DNAJC17: variants seen among roughly 807,000 people sequenced by gnomAD.
The protein encoded by DNAJC17 is DnaJ heat shock protein family (Hsp40) member C17, also known as dnaJ homolog subfamily C member 17.
In DNAJC17, 35 loss-of-function variants were observed where a neutral mutation model predicts 48.1. That is an observed-to-expected ratio of 0.73 (90% CI 0.56 to 0.96). The LOEUF (loss-of-function observed/expected upper bound fraction) is 0.96, where lower values mean the gene tolerates loss of function less well. Ranked by LOEUF, DNAJC17 falls within the 50% of genes least tolerant of loss-of-function variation. The pLI is 0.00. For synonymous variants in DNAJC17, 117 were observed against 142.7 expected, an observed-to-expected ratio of 0.82 and a Z score of 1.28; for missense variants, 355 against 377.1, an observed-to-expected ratio of 0.94 and a Z score of 0.48.
chr15:40,782,306 A>C (rs770141040), intron 1 of DNAJC17, among the ~76,000 whole-genome samples: 24 of 152,270 alleles, frequency 1.6e-4, no homozygotes, highest in Non-Finnish European at 3.1e-4. Context: ...CTGCAGTACC[A>C]GCTACTAAGG....
At chr15:40,773,418 C>G (rs1349269140) in intron 10 of DNAJC17, among the ~76,000 whole-genome samples, 1 of 152,200 alleles carries the variant, frequency 6.6e-6, no homozygotes, top group Non-Finnish European at 1.5e-5. Context: ...GCTCCAAATG[C>G]TTCACACACC....
rs1467674485 is a variant in DNAJC17, at chr15:40,773,733, C to T, written c.786G>A (p.Leu262=). The change falls in exon 10 of 11, where the codon CTG becomes CTA. Residue 262 remains leucine (L), a synonymous_variant. Coordinates refer to ENST00000220496, the MANE Select transcript of DNAJC17 (RefSeq NM_018163.3). ...GCGAGGCCTGACTCCTCACCTTTGA[C>T]AGTCCTGAGTGGCTGCGGCCCACGG... ...QDAVGRSHSG[L]SKGSVLSERD... 1 of 1,613,272 alleles carries T rather than the reference C, an allele frequency of 6.2e-7. No homozygotes were observed. Among genetic ancestry groups the T allele is most frequent in the Non-Finnish European group, 8.5e-7 (1 of 1,179,684 alleles).
intron 1 of DNAJC17, among the ~76,000 whole-genome samples, chr15:40,795,003 G>A (rs547165654): frequency 8.6e-4 from 131 of 152,216 alleles, no homozygotes; most frequent in Non-Finnish European, 1.5e-3. Flanking sequence ...ACAGGCATGA[G>A]CCACCGTAAG....
chr15:40,768,316 G>A (rs1202673204), intron 10 of DNAJC17, among the ~76,000 whole-genome samples: 3 of 152,176 alleles, frequency 2.0e-5, no homozygotes, highest in Admixed American at 6.5e-5. Context: ...GTCAGCTCCG[G>A]TCCATCTGTT....
rs202243642 is a variant in DNAJC17 at position 40,779,317 on chromosome 15, G to T, written c.208-7C>A. The T allele has an allele frequency of 1.6e-4, 260 of 1,613,970 alleles. No individual in the cohort carries two copies. In the East Asian group the frequency reaches 5.6e-3, roughly 35 times the overall value. On this transcript the variant is annotated splice_polypyrimidine_tract_variant and splice_region_variant and intron_variant, in intron 3 of 10. Coordinates refer to ENST00000220496, the MANE Select transcript of DNAJC17 (RefSeq NM_018163.3). ...TGACCTTGTCATATGCAGCCTGGCAGGAGAAAGGGGCACAGGGCAGAGGGT... is the reference window on the plus strand; with the variant it reads ...TGACCTTGTCATATGCAGCCTGGCATGAGAAAGGGGCACAGGGCAGAGGGT...
chr15:40,807,352 C>T lies in DNAJC17; in HGVS notation c.78+17G>A. 2 of 1,614,272 alleles carry T rather than the reference C, an allele frequency of 1.2e-6. No homozygotes were observed. Among genetic ancestry groups the T allele is most frequent in the African/African-American group, 1.3e-5 (1 of 75,076 alleles). On this transcript the variant is annotated intron_variant, in intron 1 of 10. Coordinates refer to ENST00000220496, the MANE Select transcript of DNAJC17 (RefSeq NM_018163.3). ...GCCAGACCTCTCAAGATCAGCCTTC[C>T]TCGCCACCGTTCTCACCTCTTTGTC...
rs1384769109 is a variant in DNAJC17, at chr15:40,779,508, C to T, written c.207+37G>A. The T allele has an allele frequency of 2.5e-6, 4 of 1,613,612 alleles. No individual in the cohort carries two copies. In the African/African-American group the frequency reaches 4.0e-5, roughly 16 times the overall value. On this transcript the variant is annotated intron_variant, in intron 3 of 10. Coordinates refer to ENST00000220496, the MANE Select transcript of DNAJC17 (RefSeq NM_018163.3). ...TTGAGAGGCAGCAGTGGTCTCTAAC[C>T]ATGGGGGACGATTCCGATGAAGGAG...
At position 40,792,420 on chromosome 15, in the gene DNAJC17, A is replaced by T. The variant is rs565754561; in HGVS notation, c.79-12423T>A. The T allele has an allele frequency of 5.2e-6, 5 of 967,968 alleles. No homozygotes were observed. The Admixed American group carries it at 1.8e-4, about 36-fold the overall frequency. 60.0% of individuals were successfully genotyped at this position (967,968 alleles called of 1,614,324 possible). On this transcript the variant is annotated intron_variant, in intron 1 of 10. Coordinates refer to ENST00000220496, the MANE Select transcript of DNAJC17 (RefSeq NM_018163.3). ...GAGTCTTGAAAAACAATCAAAATGC[A>T]TTTTCAAACATCTGGCTTCCCCAGG...
chr15:40,777,394 G>A (rs1889358984), intron 4 of DNAJC17, among the ~76,000 whole-genome samples: 1 of 151,366 alleles, frequency 6.6e-6, no homozygotes, highest in South Asian at 2.1e-4. Flanking sequence ...ATGTTGAAGA[G>A]CAAGAGGAAA....
In DNAJC17 at chr15:40,767,258, T is replaced by G. The variant is rs370439455; in HGVS notation, c.*682A>C. The stretch of plus-strand genomic sequence containing the variant: ...TACTACGTCGATGACCCTCCCCGCA[T>G]AGTCCTGGACAAGCTGGAACGCAGG... On this transcript the variant is annotated 3_prime_UTR_variant, in exon 11 of 11. Transcript: ENST00000220496. 8 of 1,596,114 alleles carry G rather than the reference T, an allele frequency of 5.0e-6. No individual in the cohort carries two copies. Among genetic ancestry groups the G allele is most frequent in the Admixed American group, 1.7e-5 (1 of 57,838 alleles).
chr15:40,768,295 C>G (rs1383835986), intron 10 of DNAJC17, among the ~76,000 whole-genome samples: 1 of 152,212 alleles, frequency 6.6e-6, no homozygotes, highest in Non-Finnish European at 1.5e-5. Flanking sequence ...CCCTCCCTTT[C>G]CCCAGGCCGC....
At chr15:40,800,820 G>A (rs552262822) in intron 1 of DNAJC17, among the ~76,000 whole-genome samples, 2 of 152,084 alleles carry the variant, frequency 1.3e-5, no homozygotes, top group Non-Finnish European at 2.9e-5. Flanking sequence ...TTAGCCAGGC[G>A]TGGTGGCAGG....
chr15:40,781,232 C>A (rs549199684), intron 1 of DNAJC17, among the ~76,000 whole-genome samples: 1 of 149,070 alleles, frequency 6.7e-6, no homozygotes. Context: ...ATCCTGTAAT[C>A]CTCATGCCTG....
At chr15:40,784,090 G>A (rs1889577095) in intron 1 of DNAJC17, among the ~76,000 whole-genome samples, 1 of 152,154 alleles carries the variant, frequency 6.6e-6, no homozygotes, top group African/African-American at 2.4e-5. Flanking sequence ...AGCTGGGCGT[G>A]GTGGCACACG....
At chr15:40,782,241 A>T (rs527633191) in intron 1 of DNAJC17, among the ~76,000 whole-genome samples, 2 of 152,076 alleles carry the variant, frequency 1.3e-5, no homozygotes, top group African/African-American at 2.4e-5. Context: ...AAATAAAAAA[A>T]TTTTAAATTA....
intron 1 of DNAJC17, among the ~76,000 whole-genome samples, chr15:40,803,228 T>C (rs190512611): frequency 6.6e-6 from 1 of 152,246 alleles, no homozygotes; most frequent in East Asian, 1.9e-4. Flanking sequence ...GAGGGCAAAT[T>C]GAGAACTCCT....
chr15:40,772,684 C>G (rs939700952), intron 10 of DNAJC17, among the ~76,000 whole-genome samples: 1 of 152,310 alleles, frequency 6.6e-6, no homozygotes, highest in African/African-American at 2.4e-5. Flanking sequence ...TGCTGAGGGG[C>G]TGTGGACACA....
In DNAJC17 at chr15:40,780,311, C is replaced by A. The variant is rs1481430730; in HGVS notation, c.79-314G>T. 2.8e-5 allele frequency: 15 copies of A among 534,656 alleles called. No individual in the cohort carries two copies. In the Admixed American group the frequency reaches 3.4e-4, roughly 12 times the overall value. The allele number at this position is 534,656 out of a possible 1,614,324, so 33.1% of individuals were successfully genotyped here. A position where few individuals can be genotyped will look rare whatever the true frequency, so the allele number is the denominator to read the frequency against. ...CTCGACAGCCACTCGAAGACAGGTA[C>A]TCTACACATTCTTGGTGGGCATATA... On this transcript the variant is annotated intron_variant, in intron 1 of 10. Transcript: ENST00000220496.
Position 40,797,499 on chromosome 15 carries a change from C to T in DNAJC17, c.78+9870G>A, listed in dbSNP as rs147279167. ...CACAATCTTGGCTCACTGCAACCTC[C>T]GCCTCTGGGTTCAAGCGATTCTCCT... On this transcript the variant is annotated intron_variant, in intron 1 of 10. Transcript: ENST00000220496. Among the ~76,000 whole-genome samples the T allele has an allele frequency of 2.6e-3, 392 of 151,844 alleles. 4 individuals are homozygous for T. The East Asian group carries it at 0.026, about 10-fold the overall frequency.
Sources: gnomAD v4.1 joint callset for allele counts (sites outside exome capture counted in the v4.1 genomes callset) on GRCh38, gnomAD v4.1.1 for gene constraint, MANE v1.5 for transcripts, NCBI Gene and HGNC (gene_info 2026-07-23, HGNC 2026-07-21) for gene names.